Variants in SHROOM3 observed in about 807,000 individuals in gnomAD.
SHROOM3 encodes shroom family member 3, also known as protein Shroom3.
Under a neutral mutation model 138.6 loss-of-function variants are expected in SHROOM3, and 47 were observed. The ratio of observed to expected loss-of-function variants is 0.34; its 90% CI spans 0.27 to 0.43. The LOEUF (loss-of-function observed/expected upper bound fraction) is 0.43, where lower values mean the gene tolerates loss of function less well. Among genes scored for constraint, SHROOM3 ranks in the 20% least tolerant of loss-of-function variants. The pLI, the probability that SHROOM3 is intolerant of heterozygous loss-of-function variation, is 1.00. For missense variants in SHROOM3, 2,491 were observed against 2,596.5 expected, an observed-to-expected ratio of 0.96 and a Z score of 0.88; for synonymous variants, 1,062 against 1,063.3, an observed-to-expected ratio of 1.00 and a Z score of 0.02.
chr4:76,737,550 T>C (rs1230682310), intron 4 of SHROOM3, among the ~76,000 whole-genome samples: 1 of 152,232 alleles, frequency 6.6e-6, no homozygotes, highest in Admixed American at 6.5e-5. Context: ...CCACCTGCAA[T>C]GAATGAGAGT....
At chr4:76,444,647 C>T (rs1730768825) in intron 1 of SHROOM3, among the ~76,000 whole-genome samples, 2 of 150,762 alleles carry the variant, frequency 1.3e-5, no homozygotes, top group African/African-American at 4.9e-5. Context: ...CAGGCATGGG[C>T]CCCATGCCTG....
intron 10 of SHROOM3, among the ~76,000 whole-genome samples, chr4:76,777,501 T>C (rs968265238): frequency 3.3e-5 from 5 of 152,186 alleles, no homozygotes; most frequent in African/African-American, 1.2e-4. Flanking sequence ...TTTTGGATAG[T>C]CTTCAGGGTT....
At chr4:76,653,869 C>T (rs996073592) in intron 2 of SHROOM3, among the ~76,000 whole-genome samples, 1 of 152,066 alleles carries the variant, frequency 6.6e-6, no homozygotes, top group Non-Finnish European at 1.5e-5. Context: ...ATGCTCAGCT[C>T]GTTCATTTTA....
intron 2 of SHROOM3, among the ~76,000 whole-genome samples, chr4:76,584,447 T>A (rs545276676): frequency 1.3e-5 from 2 of 152,216 alleles, no homozygotes; most frequent in Non-Finnish European, 2.9e-5. Flanking sequence ...TCACAGAGAA[T>A]CTGGAGCAGA....
intron 1 of SHROOM3, among the ~76,000 whole-genome samples, chr4:76,488,412 G>A (rs775320339): frequency 8.5e-5 from 13 of 152,200 alleles, no homozygotes; most frequent in Non-Finnish European, 1.3e-4. Context: ...GTATACTTGA[G>A]TAGGAGGTTA....
In SHROOM3 at chr4:76,437,177, T is replaced by C. The variant is rs564008881; in HGVS notation, c.168+957T>C. ...TTACTGTGGATGAGCCAGGGAGAAC[T>C]GGGTTTCACAGTGATAAGCCACGAG... On this transcript the variant is annotated intron_variant, in intron 1 of 10. Transcript: ENST00000296043. Among the ~76,000 whole-genome samples, 10 of 152,310 alleles carry C rather than the reference T, an allele frequency of 6.6e-5. No homozygotes were observed. In the South Asian group the frequency reaches 2.1e-3, roughly 32 times the overall value.
At chr4:76,611,201 T>C (rs555630579) in intron 2 of SHROOM3, among the ~76,000 whole-genome samples, 1 of 152,290 alleles carries the variant, frequency 6.6e-6, no homozygotes, top group Admixed American at 6.5e-5. Context: ...TTAAAGTTAC[T>C]TCTTGCCTCA....
intron 2 of SHROOM3, among the ~76,000 whole-genome samples, chr4:76,632,243 C>T (rs935409171): frequency 1.3e-5 from 2 of 152,066 alleles, no homozygotes; most frequent in Non-Finnish European, 2.9e-5. Context: ...TTGAGAATTA[C>T]CAACTTTGTA....
Position 76,435,496 on chromosome 4 carries a change from G to A in SHROOM3, c.-557G>A, listed in dbSNP as rs1034072213. 3.9e-5 allele frequency: 6 copies of A among 152,206 alleles called. No individual in the cohort carries two copies. Among genetic ancestry groups the A allele is most frequent in the African/African-American group, 1.4e-4 (6 of 41,442 alleles). The allele number at this position is 152,206 out of a possible 1,614,324, so 9.4% of individuals were successfully genotyped here. Reference sequence around the variant, plus strand: ...TCGGGACAAGTTAGAAAATTCTGAAGTGAGCCGAAGCATAGTAAGTGCTTT... The same window carrying A: ...TCGGGACAAGTTAGAAAATTCTGAAATGAGCCGAAGCATAGTAAGTGCTTT... On this transcript the variant is annotated 5_prime_UTR_variant, in exon 1 of 11. It adds an upstream start codon to the 5' untranslated region. Coordinates refer to ENST00000296043, the MANE Select transcript of SHROOM3 (RefSeq NM_020859.4).
At chr4:76,437,071 G>A (rs572401157) in intron 1 of SHROOM3, among the ~76,000 whole-genome samples, 7 of 152,236 alleles carry the variant, frequency 4.6e-5, no homozygotes, top group African/African-American at 1.7e-4. Context: ...TTGCATTTGA[G>A]CTCTGTTATT....
At chr4:76,778,180 GAGAACCACCGT>G (rs1274386967) in intron 10 of SHROOM3, among the ~76,000 whole-genome samples, 1 of 151,506 alleles carries the variant, frequency 6.6e-6, no homozygotes, top group Non-Finnish European at 1.5e-5. Context: ...ACCACACCTT[GAGAACCACCGT>G]ATTCATGTAT....
chr4:76,700,837 G>A (rs1719885232), intron 2 of SHROOM3, among the ~76,000 whole-genome samples: 1 of 151,824 alleles, frequency 6.6e-6, no homozygotes, highest in Non-Finnish European at 1.5e-5. Context: ...CTGGAGTGCA[G>A]TGGCATGATC....
At chr4:76,611,796 C>A (rs551415357) in intron 2 of SHROOM3, among the ~76,000 whole-genome samples, 1 of 152,146 alleles carries the variant, frequency 6.6e-6, no homozygotes, top group African/African-American at 2.4e-5. Flanking sequence ...GGGAGACTGC[C>A]CGTCAGGCAC....
chr4:76,663,061 G>C (rs949711367), intron 2 of SHROOM3, among the ~76,000 whole-genome samples: 1 of 152,156 alleles, frequency 6.6e-6, no homozygotes, highest in African/African-American at 2.4e-5. Flanking sequence ...TCTAGACAGA[G>C]TCTGATCCTA....
At position 76,739,399 on chromosome 4, in the gene SHROOM3, A is replaced by T; in HGVS notation, c.1226A>T (p.Gln409Leu). 6.2e-7 allele frequency: 1 copy of T among 1,614,124 alleles called. No individual in the cohort carries two copies. Among genetic ancestry groups the T allele is most frequent in the Non-Finnish European group, 8.5e-7 (1 of 1,180,042 alleles). ...ERPSSWSSLD[Q>L]KRLCRPQANS... ...CCCAGCTCCTGGTCTAGCCTTGATC[A>T]GAAACGGCTCTGCCGGCCTCAGGCA... Residue 409 changes from glutamine to leucine, a missense_variant, in exon 5 of 11, where the codon CAG becomes CTG. Around this residue, in one of 4 missense-constraint regions of SHROOM3, gnomAD observed 1,733 missense variants for 1,661.6 expected, o/e 1.04. Transcript: ENST00000296043.
chr4:76,768,932 C>T (rs773596575), intron 9 of SHROOM3, among the ~76,000 whole-genome samples: 13 of 152,126 alleles, frequency 8.5e-5, no homozygotes, highest in Admixed American at 2.6e-4. Flanking sequence ...ACCTCACTCA[C>T]TTGTGAAGTA....
At chr4:76,605,368 A>T (rs1211056764) in intron 2 of SHROOM3, among the ~76,000 whole-genome samples, 2 of 152,180 alleles carry the variant, frequency 1.3e-5, no homozygotes, top group African/African-American at 4.8e-5. Context: ...AGTGGGAGAG[A>T]ACAGTTCTCA....
At chr4:76,708,732 G>T (rs1353219423) in intron 2 of SHROOM3, among the ~76,000 whole-genome samples, 1 of 152,118 alleles carries the variant, frequency 6.6e-6, no homozygotes, top group African/African-American at 2.4e-5. Flanking sequence ...CTGCTCAGTG[G>T]GTAGAGCCAG....
chr4:76,614,996 G>A (rs1206823057), intron 2 of SHROOM3, among the ~76,000 whole-genome samples: 1 of 152,158 alleles, frequency 6.6e-6, no homozygotes, highest in Non-Finnish European at 1.5e-5. Flanking sequence ...TATGATTTGT[G>A]CCATTCTGGG....
Sources: allele counts gnomAD v4.1 joint callset (sites outside exome capture counted in the v4.1 genomes callset), GRCh38; gene constraint gnomAD v4.1.1; regional missense constraint gnomAD v4.1.1; transcripts MANE v1.5; gene names NCBI Gene and HGNC (gene_info 2026-07-23, HGNC 2026-07-21).